The following F7 variants were observed in gnomAD, a reference collection of about 807,000 sequenced individuals.
The protein encoded by F7 is coagulation factor VII, also known as FVII coagulation protein.
Under a neutral mutation model 47.5 loss-of-function variants are expected in F7, and 38 were observed. The ratio of observed to expected loss-of-function variants is 0.80; its 90% CI spans 0.62 to 1.05. The LOEUF is 1.05. Ranked by LOEUF, F7 falls within the 50% of genes least tolerant of loss-of-function variation. The pLI, the probability that F7 is intolerant of heterozygous loss-of-function variation, is 0.00. For synonymous variants in F7, 244 were observed against 258.5 expected, an observed-to-expected ratio of 0.94 and a Z score of 0.54; for missense variants, 575 against 605.4, an observed-to-expected ratio of 0.95 and a Z score of 0.53.
At chr13:113,110,952 G>A (rs901577575) in intron 2 of F7, 102 bp downstream of exon 2, 38 of 1,349,568 alleles carry the variant, frequency 2.8e-5, no homozygotes, top group East Asian at 2.0e-4. Context: ...GCTGTGGGCG[G>A]CGAACACGCA....
At position 113,116,949 on chromosome 13, in the gene F7, G is replaced by A. The variant is rs2036204682; in HGVS notation, c.615+74G>A. 3.9e-6 allele frequency: 5 copies of A among 1,271,010 alleles called. No homozygotes were observed. In the East Asian group the frequency reaches 9.3e-5, roughly 24 times the overall value. 78.7% of individuals were successfully genotyped at this position (1,271,010 alleles called of 1,614,324 possible). A position where few individuals can be genotyped will look rare whatever the true frequency, so the allele number is the denominator to read the frequency against. ...CCTTTTGAATGTGAACAACAGCTCT[G>A]GAAGGGAAAATGGGCAGGTCAGCCC... On this transcript the variant is annotated intron_variant, in intron 6 of 7. Coordinates refer to ENST00000346342, the MANE Select transcript of F7 (RefSeq NM_019616.4).
intron 6 of F7, 143 bp from the exon 7 acceptor site, chr13:113,117,330 G>C: frequency 7.3e-7 from 1 of 1,367,344 alleles, no homozygotes; most frequent in Non-Finnish European, 1.0e-6. Flanking sequence ...GAGCAGCTTT[G>C]CCTGGGAGGG....
In F7 at chr13:113,118,695, C is replaced by T; in HGVS notation, c.1022C>T (p.Pro341Leu). 2 of 1,612,884 alleles carry T rather than the reference C, an allele frequency of 1.2e-6. No homozygotes were observed. Among genetic ancestry groups the T allele is most frequent in the Non-Finnish European group, 8.5e-7 (1 of 1,179,942 alleles). The change falls in exon 8 of 8, where the codon CCC becomes CTC. Residue 341 changes from proline (P) to leucine (L), a missense_variant. Coordinates refer to ENST00000346342, the MANE Select transcript of F7 (RefSeq NM_019616.4). The stretch of plus-strand genomic sequence containing the variant: ...CTGGAGCTCATGGTCCTCAACGTGC[C>T]CCGGCTGATGACCCAGGACTGCCTG... The part of the protein sequence containing the change: ...TALELMVLNV[P>L]RLMTQDCLQQ...
chr13:113,105,925 C>T lies in F7; in HGVS notation c.64+20C>T. 6.4e-7 allele frequency: 1 copy of T among 1,569,116 alleles called. No individual in the cohort carries two copies. Among genetic ancestry groups the T allele is most frequent in the Middle Eastern group, 1.7e-4 (1 of 5,952 alleles). Reference sequence around the variant, plus strand: ...CTGCAGGTGCGTCCGGGGAGGTTTTCTCCATAAACTTGGTGGAAGGGCAGT... The same window carrying T: ...CTGCAGGTGCGTCCGGGGAGGTTTTTTCCATAAACTTGGTGGAAGGGCAGT... On this transcript the variant is annotated intron_variant, in intron 1 of 7. Coordinates refer to ENST00000346342, the MANE Select transcript of F7 (RefSeq NM_019616.4).
intron 2 of F7, among the ~76,000 whole-genome samples, chr13:113,111,418 CTCACACTCACAGGGCACACT>C (rs2036092313): frequency 1.2e-5 from 1 of 84,140 alleles, no homozygotes; most frequent in Non-Finnish European, 2.1e-5. Context: ...CACAGGACAC[CTCACACTCACAGGGCACACT>C]TCACACTCAC....
chr13:113,117,160 A>G (rs1478703327), intron 6 of F7, among the ~76,000 whole-genome samples: 3 of 152,230 alleles, frequency 2.0e-5, no homozygotes, highest in African/African-American at 7.2e-5. Flanking sequence ...TTGAGGTGGG[A>G]TCTTTGCCTG....
At chr13:113,110,331 G>T (rs956711051) in intron 1 of F7, 2 of 245,640 alleles carry the variant, frequency 8.1e-6, no homozygotes, top group East Asian at 2.6e-4. Context: ...TGGGCCCCAG[G>T]GGGTTGCCCG....
intron 2 of F7, among the ~76,000 whole-genome samples, chr13:113,112,385 A>G (rs1296642906): frequency 6.7e-6 from 1 of 148,858 alleles, no homozygotes; most frequent in Non-Finnish European, 1.5e-5. Flanking sequence ...CACACAGGGC[A>G]CACTTCACTC....
At chr13:113,116,121 C>T (rs149179124) in intron 5 of F7, among the ~76,000 whole-genome samples, 2 of 152,364 alleles carry the variant, frequency 1.3e-5, no homozygotes, top group African/African-American at 4.8e-5. Flanking sequence ...GAATCTACTT[C>T]GGCACAGCCA....
chr13:113,117,485 G>A lies in F7; in HGVS notation c.628G>A (p.Val210Met), dbSNP rs2036214002. The change falls in exon 7 of 8, where the codon GTG becomes ATG. Residue 210 changes from valine (V) to methionine (M), a missense_variant. Coordinates refer to ENST00000346342, the MANE Select transcript of F7 (RefSeq NM_019616.4). The stretch of plus-strand genomic sequence containing the variant: ...TCCCCCCGCCCAGGTCCTGTTGTTG[G>A]TGAATGGAGCTCAGTTGTGTGGGGG... ...GECPWQVLLLVNGAQLCGGTL... is the reference protein window; with the variant it reads ...GECPWQVLLLMNGAQLCGGTL... 1 of 1,614,158 alleles carries A rather than the reference G, an allele frequency of 6.2e-7. No homozygotes were observed. Among genetic ancestry groups the A allele is most frequent in the African/African-American group, 1.3e-5 (1 of 75,066 alleles).
At chr13:113,118,220 C>T (rs1220340643) in intron 7 of F7, among the ~76,000 whole-genome samples, 193 bp from the exon 8 acceptor site, 1 of 152,206 alleles carries the variant, frequency 6.6e-6, no homozygotes, top group Non-Finnish European at 1.5e-5. Context: ...CCCCAGTTCA[C>T]TTGTCCCCAC....
chr13:113,118,903 C>A lies in F7; in HGVS notation c.1230C>A (p.Gly410=). 1 of 1,612,298 alleles carries A rather than the reference C, an allele frequency of 6.2e-7. No individual in the cohort carries two copies. Among genetic ancestry groups the A allele is most frequent in the Non-Finnish European group, 8.5e-7 (1 of 1,179,792 alleles). Residue 410 remains glycine (G), a synonymous_variant, in exon 8 of 8, where the codon GGC becomes GGA. Transcript: ENST00000346342. The part of the protein sequence containing the change: ...VSWGQGCATV[G]HFGVYTRVSQ... ...GGGGCCAGGGCTGCGCAACCGTGGG[C>A]CACTTTGGGGTGTACACCAGGGTCT... is the stretch of plus-strand genomic sequence containing the variant.
intron 1 of F7, chr13:113,106,776 C>G: frequency 6.8e-7 from 1 of 1,471,736 alleles, no homozygotes; most frequent in African/African-American, 1.4e-5. Flanking sequence ...AGGGACAGTG[C>G]CTGGGATGTG....
In F7 at chr13:113,113,987, T is replaced by C; in HGVS notation, c.364+27T>C. 6.2e-7 allele frequency: 1 copy of C among 1,612,800 alleles called. No homozygotes were observed. Reference sequence around the variant, plus strand: ...TAAGGCCCCACTTTGGGTCCCATATTTGCAGAGGGCCCTGGGGAGCTGGTG... The same window carrying C: ...TAAGGCCCCACTTTGGGTCCCATATCTGCAGAGGGCCCTGGGGAGCTGGTG... On this transcript the variant is annotated intron_variant, in intron 4 of 7. Coordinates refer to ENST00000346342, the MANE Select transcript of F7 (RefSeq NM_019616.4). The surrounding 1 kb of genome is among the most constrained non-coding windows in gnomAD (Gnocchi z 4.1).
chr13:113,117,928 C>T (rs1321923913), intron 7 of F7, among the ~76,000 whole-genome samples: 2 of 152,364 alleles, frequency 1.3e-5, no homozygotes, highest in South Asian at 4.1e-4. Flanking sequence ...GGCCACCGTG[C>T]TCTCAGCCAC....
chr13:113,109,269 G>A lies in F7; in HGVS notation c.65-1421G>A, dbSNP rs555188056. On this transcript the variant is annotated intron_variant, in intron 1 of 7. Transcript: ENST00000346342. ...CGGGGGTCGTGGGTGTCCCGGGAGCGTGGGTGTCGGGGACTGCAGGGACAT... is the reference window on the plus strand; with the variant it reads ...CGGGGGTCGTGGGTGTCCCGGGAGCATGGGTGTCGGGGACTGCAGGGACAT... 3.3e-5 allele frequency among the ~76,000 whole-genome samples: 5 copies of A among 151,910 alleles called. No homozygotes were observed. The East Asian group carries it at 5.9e-4, about 18-fold the overall frequency.
intron 1 of F7, among the ~76,000 whole-genome samples, chr13:113,109,233 TGTGGGTGTCCCGGGGGTC>T (rs1429581181): frequency 1.9e-5 from 2 of 105,972 alleles, no homozygotes; most frequent in Non-Finnish European, 3.9e-5. Context: ...GTCCCGGGGG[TGTGGGTGTCCCGGGGGTC>T]GTGGGTGTCC....
chr13:113,115,567 A>T, intron 4 of F7, 93 bp from the exon 5 acceptor site: 1 of 1,428,976 alleles, frequency 7.0e-7, no homozygotes, highest in Admixed American at 1.9e-5. Context: ...TCCAGGCAGA[A>T]CACCACTGCT....
rs761662200 is a variant in F7, at chr13:113,110,838, C to G, written c.213C>G (p.Asp71Glu). The part of the protein sequence containing the change: ...SFEEAREIFK[D>E]AERTKLFWIS... Reference sequence around the variant, plus strand: ...AGGAGGCCCGGGAGATCTTCAAGGACGCGGAGAGGACGGTGAGCCCAGCCT... The same window carrying G: ...AGGAGGCCCGGGAGATCTTCAAGGAGGCGGAGAGGACGGTGAGCCCAGCCT... The change falls in exon 2 of 8, where the codon GAC becomes GAG. Residue 71 changes from aspartate (D) to glutamate (E), a missense_variant. Coordinates refer to ENST00000346342, the MANE Select transcript of F7 (RefSeq NM_019616.4). 5.1e-6 allele frequency: 8 copies of G among 1,560,960 alleles called. No homozygotes were observed. The highest frequency in any genetic ancestry group is 6.9e-6 in the Non-Finnish European group (8 of 1,153,286).
Sources: gnomAD v4.1 joint callset for allele counts (sites outside exome capture counted in the v4.1 genomes callset) on GRCh38, gnomAD v4.1.1 for gene constraint, Gnocchi (gnomAD v3.1) non-coding constraint, MANE v1.5 for transcripts, NCBI Gene and HGNC (gene_info 2026-07-23, HGNC 2026-07-21) for gene names.